Variants in GANC observed in about 807,000 individuals in gnomAD.
The protein encoded by GANC is neutral alpha-glucosidase C.
A neutral mutation model predicts 124.2 loss-of-function variants in GANC; 117 were observed. That is an observed-to-expected ratio of 0.94 (90% CI 0.81 to 1.10). The LOEUF (loss-of-function observed/expected upper bound fraction) is 1.10. Ranked by LOEUF, GANC falls within the 50% of genes least tolerant of loss-of-function variation. The pLI is 0.00. For missense variants in GANC, 1,140 were observed against 1,095.0 expected, an observed-to-expected ratio of 1.04 and a Z score of -0.58; for synonymous variants, 377 against 376.8, an observed-to-expected ratio of 1.00 and a Z score of -0.01.
rs1295012176 is a variant in GANC, at chr15:42,273,638, A to G, written c.-844A>G. 8.4e-6 allele frequency: 5 copies of G among 596,068 alleles called. No individual in the cohort carries two copies. The highest frequency in any genetic ancestry group is 4.2e-5 in the South Asian group (2 of 47,262). 36.9% of individuals were successfully genotyped at this position (596,068 alleles called of 1,614,324 possible). A position where few individuals can be genotyped will look rare whatever the true frequency, so the allele number is the denominator to read the frequency against. On this transcript the variant is annotated 5_prime_UTR_variant, in exon 1 of 24. An upstream start codon of the reference 5' UTR is lost. Transcript: ENST00000318010. ...TCAGCTGGGTTAGAGAGATCGCTAC[A>G]TGCCAGCCTGGCCTGAGTCTTTTCT...
intron 14 of GANC, among the ~76,000 whole-genome samples, chr15:42,329,661 C>G (rs1356723608): frequency 6.6e-6 from 1 of 152,126 alleles, no homozygotes; most frequent in Non-Finnish European, 1.5e-5. Flanking sequence ...ACTTGATGAA[C>G]TTTTAAATAT....
At chr15:42,305,855 A>G (rs972116815) in intron 6 of GANC, among the ~76,000 whole-genome samples, 1 of 151,488 alleles carries the variant, frequency 6.6e-6, no homozygotes, top group African/African-American at 2.4e-5. Flanking sequence ...AGAAAACCAA[A>G]CACCACATGT....
chr15:42,312,905 A>T (rs1281901238), intron 10 of GANC, among the ~76,000 whole-genome samples: 1 of 149,126 alleles, frequency 6.7e-6, no homozygotes, highest in East Asian at 2.0e-4. Context: ...ATGCCACTGC[A>T]CTCCAGCCTG....
chr15:42,351,472 A>T (rs749256085), intron 23 of GANC, 40 bp downstream of exon 23: 1 of 1,413,834 alleles, frequency 7.1e-7, no homozygotes, highest in South Asian at 1.2e-5. Context: ...ATTTGTTTTT[A>T]TAAACAGAAG....
rs762205652 is a variant in GANC, at chr15:42,352,069, A to G, written c.2675A>G (p.Lys892Arg). The G allele has an allele frequency of 2.5e-6, 4 of 1,614,188 alleles. No homozygotes were observed. The highest frequency in any genetic ancestry group is 1.1e-5 in the South Asian group (1 of 91,086). Residue 892 changes from lysine to arginine, a missense_variant, in exon 24 of 24, where the codon AAA becomes AGA. Physicochemically the swap from Lys to Arg is conservative, Grantham distance 26. Coordinates refer to ENST00000318010, the MANE Select transcript of GANC (RefSeq NM_198141.3). The part of the protein sequence containing the change: ...DQPVAFTYCA[K>R]TSILSLEKLS... ...CCTGTGGCTTTTACGTATTGTGCCA[A>G]AACATCCATCCTGAGCCTGGAGAAG... is the stretch of plus-strand genomic sequence containing the variant.
chr15:42,312,418 C>T (rs554029098), intron 10 of GANC, among the ~76,000 whole-genome samples: 1 of 152,248 alleles, frequency 6.6e-6, no homozygotes, highest in South Asian at 2.1e-4. Context: ...AGGGGAGTTT[C>T]CCTGCACAAG....
chr15:42,285,013 A>G (rs1310933376), intron 3 of GANC, among the ~76,000 whole-genome samples: 2 of 152,122 alleles, frequency 1.3e-5, no homozygotes, highest in Non-Finnish European at 2.9e-5. Context: ...TTTCATTGTC[A>G]TTTCCAATCA....
intron 4 of GANC, among the ~76,000 whole-genome samples, chr15:42,290,270 G>A (rs540888399): frequency 1.3e-5 from 2 of 152,282 alleles, no homozygotes; most frequent in East Asian, 3.9e-4. Context: ...GAGGTGGCTT[G>A]GCTGCTACAA....
At chr15:42,337,298 G>T (rs1595782829) in intron 15 of GANC, among the ~76,000 whole-genome samples, 1 of 152,194 alleles carries the variant, frequency 6.6e-6, no homozygotes, top group African/African-American at 2.4e-5. Flanking sequence ...GGAATACTAT[G>T]CAGCCATAAA....
intron 10 of GANC, among the ~76,000 whole-genome samples, chr15:42,317,659 A>G (rs562389399): frequency 2.0e-5 from 1 of 49,084 alleles, no homozygotes; most frequent in South Asian, 8.4e-4. Context: ...ACGTGAATTC[A>G]GTAAAGCTGT....
In GANC at chr15:42,274,347, G is replaced by A; in HGVS notation, c.-135G>A. 1.2e-6 allele frequency: 1 copy of A among 851,974 alleles called. No homozygotes were observed. 52.8% of individuals were successfully genotyped at this position (851,974 alleles called of 1,614,324 possible). A position where few individuals can be genotyped will look rare whatever the true frequency, so the allele number is the denominator to read the frequency against. On this transcript the variant is annotated 5_prime_UTR_variant, in exon 1 of 24. Coordinates refer to ENST00000318010, the MANE Select transcript of GANC (RefSeq NM_198141.3). ...ATTTGTCACTCCATGAGAATCTGGA[G>A]GGGACTCCCTTCCCAGAAACTTGAC...
chr15:42,287,774 A>G lies in GANC; in HGVS notation c.285A>G (p.Arg95=), dbSNP rs755514236. The part of the protein sequence containing the change: ...KINEETPLKP[R]FEVPDVLTSK... ...ATGAAGAGACTCCTCTAAAACCCAGATTTGAAGTTCCGGATGTCCTCACAA... is the reference window on the plus strand; with the variant it reads ...ATGAAGAGACTCCTCTAAAACCCAGGTTTGAAGTTCCGGATGTCCTCACAA... Residue 95 remains arginine (R), a synonymous_variant, in exon 4 of 24, where the codon AGA becomes AGG. Transcript: ENST00000318010. 5 of 1,613,414 alleles carry G rather than the reference A, an allele frequency of 3.1e-6. No individual in the cohort carries two copies. The South Asian group carries it at 5.5e-5, about 18-fold the overall frequency.
intron 15 of GANC, 98 bp downstream of exon 15, chr15:42,330,770 CTTTTTTT>C (rs71108160): frequency 2.2e-4 from 80 of 360,954 alleles, no homozygotes; most frequent in Non-Finnish European, 2.4e-4. Flanking sequence ...CTTCCTTTTC[CTTTTTTT>C]TTTTTTTTTT....
In GANC at chr15:42,343,103, C is replaced by T. The variant is rs1006080515; in HGVS notation, c.2178C>T (p.Val726=). Residue 726 remains valine, a synonymous_variant, in exon 19 of 24, where the codon GTC becomes GTT. Coordinates refer to ENST00000318010, the MANE Select transcript of GANC (RefSeq NM_198141.3). ...GGAGTGCATTATTGGTTCATCCAGTCACAGAACCAAAAGCCACCACAGTTG... is the reference window on the plus strand; with the variant it reads ...GGAGTGCATTATTGGTTCATCCAGTTACAGAACCAAAAGCCACCACAGTTG... ...MLGSALLVHP[V]TEPKATTVDV... is the part of the protein sequence containing the mutation. The T allele has an allele frequency of 8.1e-6, 13 of 1,613,846 alleles. No homozygotes were observed. The African/African-American group carries it at 1.3e-4, about 17-fold the overall frequency.
chr15:42,337,645 A>G (rs1343904095), intron 15 of GANC, among the ~76,000 whole-genome samples: 3 of 152,220 alleles, frequency 2.0e-5, no homozygotes, highest in Non-Finnish European at 4.4e-5. Context: ...TGACAAAATA[A>G]TCTGTACAAC....
At chr15:42,350,222 G>T (rs1309012705) in intron 22 of GANC, among the ~76,000 whole-genome samples, 1 of 150,870 alleles carries the variant, frequency 6.6e-6, no homozygotes, top group Non-Finnish European at 1.5e-5. Flanking sequence ...TACAGACAGG[G>T]TTTCTCCATG....
chr15:42,348,181 T>C lies in GANC; in HGVS notation c.2383T>C (p.Ser795Pro). 1 of 1,612,490 alleles carries C rather than the reference T, an allele frequency of 6.2e-7. No homozygotes were observed. Among genetic ancestry groups the C allele is most frequent in the Non-Finnish European group, 8.5e-7 (1 of 1,179,358 alleles). ...AAAATCCACAGGCTGGATGACTGAA[T>C]CCTCCTATGGACTCCGGGTTGCTCT... ...VGKSTGWMTE[S>P]SYGLRVALST... The change falls in exon 21 of 24, where the codon TCC becomes CCC. Residue 795 changes from serine to proline, a missense_variant. Coordinates refer to ENST00000318010, the MANE Select transcript of GANC (RefSeq NM_198141.3).
intron 5 of GANC, among the ~76,000 whole-genome samples, chr15:42,297,155 A>G (rs369858354): frequency 2.0e-5 from 3 of 152,054 alleles, no homozygotes; most frequent in African/African-American, 7.2e-5. Context: ...GCTATGTTCT[A>G]CCTTGCTTAC....
intron 4 of GANC, 42 bp downstream of exon 4, chr15:42,287,860 A>G (rs1239345575): frequency 1.9e-6 from 3 of 1,576,954 alleles, no homozygotes; most frequent in African/African-American, 2.7e-5. Flanking sequence ...CGCTTGATAT[A>G]TTCTTTTATC....
Sources: allele counts gnomAD v4.1 joint callset (sites outside exome capture counted in the v4.1 genomes callset), GRCh38; gene constraint gnomAD v4.1.1; transcripts MANE v1.5; gene names NCBI Gene and HGNC (gene_info 2026-07-23, HGNC 2026-07-21).